Variants in ERC2 observed in about 807,000 individuals in gnomAD.
ERC2 encodes the protein ELKS/RAB6-interacting/CAST family member 2.
A neutral mutation model predicts 114.8 loss-of-function variants in ERC2; 42 were observed. That is an observed-to-expected ratio of 0.37 (90% CI 0.29 to 0.47). The LOEUF is 0.47. Ranked by LOEUF, ERC2 falls within the 20% of genes least tolerant of loss-of-function variation. The pLI, the probability that ERC2 is intolerant of heterozygous loss-of-function variation, is 0.99. For synonymous variants in ERC2, 454 were observed against 425.5 expected (o/e 1.07, Z -0.82); for missense variants, 939 against 1,150.7 (o/e 0.82, Z 2.66).
At chr3:56,433,173 T>A (rs2061865575) in intron 2 of ERC2, among the ~76,000 whole-genome samples, 1 of 102,124 alleles carries the variant, frequency 9.8e-6, no homozygotes. Context: ...CAAGACCCTG[T>A]CTCTTAAAAA....
At chr3:55,759,777 T>A (rs961760745) in intron 14 of ERC2, among the ~76,000 whole-genome samples, 1 of 152,224 alleles carries the variant, frequency 6.6e-6, no homozygotes, top group Non-Finnish European at 1.5e-5. Flanking sequence ...TCTGAATGAC[T>A]GACACTTTCA....
intron 3 of ERC2, among the ~76,000 whole-genome samples, chr3:56,220,646 C>T (rs547550928): frequency 2.6e-5 from 4 of 152,246 alleles, no homozygotes; most frequent in African/African-American, 9.6e-5. Context: ...GGCTCCACTG[C>T]AATTGTCCCT....
intron 3 of ERC2, among the ~76,000 whole-genome samples, chr3:56,206,117 T>A (rs1393985857): frequency 6.6e-6 from 1 of 152,018 alleles, no homozygotes; most frequent in Non-Finnish European, 1.5e-5. Flanking sequence ...TAACTTCTGT[T>A]TTACAAATGA....
intron 12 of ERC2, among the ~76,000 whole-genome samples, chr3:55,963,242 T>C (rs759917531): frequency 5.9e-5 from 9 of 152,230 alleles, no homozygotes; most frequent in Non-Finnish European, 1.0e-4. Flanking sequence ...GAAAAAATTA[T>C]AAGGTTCTAT....
intron 15 of ERC2, among the ~76,000 whole-genome samples, chr3:55,726,769 G>A (rs1286955791): frequency 6.6e-6 from 1 of 152,176 alleles, no homozygotes; most frequent in South Asian, 2.1e-4. Flanking sequence ...ATGGGAGGGG[G>A]ATCACAGAGA....
In ERC2 at chr3:55,665,522, C is replaced by T. The variant is rs146643731; in HGVS notation, c.*39+18272G>A. On this transcript the variant is annotated intron_variant, in intron 17 of 17. Transcript: ENST00000288221. ...AAGGGGAAATTTGGACACAAGGAGA[C>T]ACATGCACTCAACAACGCCGGGAGA... Among the ~76,000 whole-genome samples the T allele has an allele frequency of 2.5e-3, 376 of 152,214 alleles. 3 individuals are homozygous for T. The highest frequency in any genetic ancestry group is 8.8e-3 in the African/African-American group (366 of 41,520).
chr3:55,859,902 G>A (rs1022668580), intron 14 of ERC2, among the ~76,000 whole-genome samples: 1 of 152,060 alleles, frequency 6.6e-6, no homozygotes, highest in Non-Finnish European at 1.5e-5. Context: ...GGAGGAAAAT[G>A]CCCTCTGTCC....
intron 16 of ERC2, among the ~76,000 whole-genome samples, chr3:55,687,603 G>C (rs1299668929): frequency 6.6e-6 from 1 of 152,168 alleles, no homozygotes; most frequent in Non-Finnish European, 1.5e-5. Flanking sequence ...TTGCTGGAAG[G>C]GGTGCAAGGA....
intron 3 of ERC2, among the ~76,000 whole-genome samples, chr3:56,285,458 C>A (rs962878388): frequency 1.3e-5 from 2 of 152,030 alleles, no homozygotes; most frequent in African/African-American, 4.8e-5. Flanking sequence ...CTTGCCCAAT[C>A]GTCAACCTTG....
intron 15 of ERC2, among the ~76,000 whole-genome samples, chr3:55,733,301 C>T (rs571658052): frequency 4.6e-5 from 7 of 152,074 alleles, no homozygotes; most frequent in Non-Finnish European, 7.4e-5. Flanking sequence ...CTGAGGCCAG[C>T]GTTAGCAAGG....
chr3:56,009,952 C>T (rs2149569799), intron 9 of ERC2, among the ~76,000 whole-genome samples: 1 of 152,256 alleles, frequency 6.6e-6, no homozygotes, highest in Admixed American at 6.5e-5. Flanking sequence ...GAAGAGCAGC[C>T]ACACTTAAGC....
At chr3:56,382,211 T>A (rs1010752017) in intron 2 of ERC2, among the ~76,000 whole-genome samples, 18 of 152,138 alleles carry the variant, frequency 1.2e-4, no homozygotes, top group Non-Finnish European at 2.4e-4. Flanking sequence ...CTACCCATAG[T>A]AGCCCCTCCT....
chr3:55,943,920 T>C (rs1341523877), intron 13 of ERC2, among the ~76,000 whole-genome samples: 2 of 152,168 alleles, frequency 1.3e-5, no homozygotes, highest in Non-Finnish European at 2.9e-5. Context: ...ATAGCATTTC[T>C]TTTAGGAAAG....
chr3:55,860,311 A>G (rs2061975469), intron 14 of ERC2, among the ~76,000 whole-genome samples: 1 of 152,198 alleles, frequency 6.6e-6, no homozygotes, highest in African/African-American at 2.4e-5. Flanking sequence ...AGCGACAAGC[A>G]ATTTACATGT....
At chr3:55,730,417 T>C (rs2065184426) in intron 15 of ERC2, among the ~76,000 whole-genome samples, 1 of 152,220 alleles carries the variant, frequency 6.6e-6, no homozygotes, top group African/African-American at 2.4e-5. Context: ...TTTGTAAACT[T>C]AGGTTACCAT....
chr3:56,106,173 G>C (rs1042679177), intron 6 of ERC2, among the ~76,000 whole-genome samples: 10 of 152,170 alleles, frequency 6.6e-5, no homozygotes, highest in African/African-American at 2.4e-4. Flanking sequence ...TGCACTGGGG[G>C]TGGGTGGGGA....
intron 3 of ERC2, among the ~76,000 whole-genome samples, chr3:56,287,823 C>T (rs2054823523): frequency 6.6e-6 from 1 of 152,132 alleles, no homozygotes; most frequent in South Asian, 2.1e-4. Context: ...CTCTCAAGGC[C>T]TCAACTTCCC....
intron 13 of ERC2, among the ~76,000 whole-genome samples, chr3:55,898,629 T>C (rs1172764604): frequency 6.6e-6 from 1 of 152,120 alleles, no homozygotes; most frequent in Non-Finnish European, 1.5e-5. Flanking sequence ...CCACCCGAGA[T>C]TGTCATCAAC....
At chr3:55,732,024 G>A (rs1266915076) in intron 15 of ERC2, among the ~76,000 whole-genome samples, 1 of 152,052 alleles carries the variant, frequency 6.6e-6, no homozygotes, top group Non-Finnish European at 1.5e-5. Flanking sequence ...TGGGGTATGT[G>A]TGGAATCCGG....
Sources: gnomAD v4.1 joint callset for allele counts (sites outside exome capture counted in the v4.1 genomes callset) on GRCh38, gnomAD v4.1.1 for gene constraint, MANE v1.5 for transcripts, NCBI Gene and HGNC (gene_info 2026-07-23, HGNC 2026-07-21) for gene names.